The following TP53BP1 variants were observed in gnomAD, a reference collection of about 807,000 sequenced individuals.
TP53BP1 encodes TP53-binding protein 1.
In TP53BP1, 61 loss-of-function variants were observed where a neutral mutation model predicts 200.8. That is an observed-to-expected ratio of 0.30 (90% CI 0.25 to 0.38). TP53BP1 has a LOEUF of 0.38. Among genes scored for constraint, TP53BP1 ranks in the 10% least tolerant of loss-of-function variants. The pLI, the probability that TP53BP1 is intolerant of heterozygous loss-of-function variation, is 1.00. For synonymous variants in TP53BP1, 822 were observed against 844.3 expected (o/e 0.97, Z 0.46); for missense variants, 2,144 against 2,371.9 (o/e 0.90, Z 2.00).
At position 43,415,652 on chromosome 15, in the gene TP53BP1, A is replaced by C; in HGVS notation, c.5031T>G (p.Thr1677=). 6.2e-7 allele frequency: 1 copy of C among 1,614,158 alleles called. No individual in the cohort carries two copies. Among genetic ancestry groups the C allele is most frequent in the South Asian group, 1.1e-5 (1 of 91,078 alleles). The change falls in exon 23 of 28, where the codon ACT becomes ACG. Residue 1677 remains threonine (T), a synonymous_variant. Transcript: ENST00000382044. The stretch of plus-strand genomic sequence containing the variant: ...TGGCAGGGGACCGTTCCTCTTCAGA[A>C]GTGATAAGTTTTCTTTTGCCTGAGA... ...GVLSGKRKLI[T]SEEERSPAKR...
intron 11 of TP53BP1, among the ~76,000 whole-genome samples, chr15:43,468,695 T>A (rs1285205821): frequency 6.6e-6 from 1 of 152,228 alleles, no homozygotes; most frequent in African/African-American, 2.4e-5. Context: ...AAGCATTTTA[T>A]ATATATTAAC....
chr15:43,487,954 T>C (rs769026184), intron 4 of TP53BP1, among the ~76,000 whole-genome samples: 2 of 152,148 alleles, frequency 1.3e-5, no homozygotes, highest in African/African-American at 2.4e-5. Context: ...AAATGAACTA[T>C]TGATACATGC....
Position 43,469,165 on chromosome 15 carries a change from T to C in TP53BP1, c.1389+693A>G, listed in dbSNP as rs182360062. On this transcript the variant is annotated intron_variant, in intron 11 of 27. Coordinates refer to ENST00000382044, the MANE Select transcript of TP53BP1 (RefSeq NM_001141980.3). ...TCATTTAGATTTAAGGATTTTCAAC[T>C]CAGTATGAAACCTGAATTTCATTTC... is the stretch of plus-strand genomic sequence containing the variant. Among the ~76,000 whole-genome samples the C allele has an allele frequency of 6.1e-4, 93 of 152,298 alleles. 1 individual carries two copies. The East Asian group carries it at 0.016, about 26-fold the overall frequency.
At chr15:43,440,272 C>A (rs891770298) in intron 15 of TP53BP1, among the ~76,000 whole-genome samples, 2 of 152,082 alleles carry the variant, frequency 1.3e-5, no homozygotes, top group Non-Finnish European at 2.9e-5. Context: ...GTCCTCAACA[C>A]TCTGTCTTGC....
At chr15:43,437,703 A>G (rs762271544) in intron 16 of TP53BP1, among the ~76,000 whole-genome samples, 1 of 152,230 alleles carries the variant, frequency 6.6e-6, no homozygotes, top group Non-Finnish European at 1.5e-5. Context: ...TCTATAAAAT[A>G]TTTAACAAAA....
intron 18 of TP53BP1, 47 bp downstream of exon 18, chr15:43,427,969 A>AG (rs747130445): frequency 7.1e-7 from 1 of 1,417,008 alleles, no homozygotes; most frequent in South Asian, 1.4e-5. Context: ...AAAAAAAAAA[A>AG]AAAAGAAAGA....
chr15:43,438,393 A>G lies in TP53BP1; in HGVS notation c.3122T>C (p.Leu1041Ser). ...VASPQKTMSV[L>S]SCICEARQEN... The stretch of plus-strand genomic sequence containing the variant: ...TTGCCTGGCTTCACAGATACAGCTC[A>G]ACACAGACATGGTCTTCTGGGGACT... The change falls in exon 16 of 28, where the codon TTG (leucine) becomes TCG (serine). Residue 1041 changes from leucine (L) to serine (S), a missense_variant. Physicochemically the swap from Leu to Ser is moderately radical, Grantham distance 145. This residue lies in a region of TP53BP1 where 1,700 missense variants were observed against 1,710.3 expected (regional missense o/e 0.99). Coordinates refer to ENST00000382044, the MANE Select transcript of TP53BP1 (RefSeq NM_001141980.3). 1 of 1,613,060 alleles carries G rather than the reference A, an allele frequency of 6.2e-7. No individual in the cohort carries two copies. The highest frequency in any genetic ancestry group is 8.5e-7 in the Non-Finnish European group (1 of 1,179,508).
intron 12 of TP53BP1, among the ~76,000 whole-genome samples, chr15:43,447,813 T>C (rs1293161877): frequency 6.6e-6 from 1 of 152,144 alleles, no homozygotes; most frequent in Admixed American, 6.5e-5. Flanking sequence ...TCCAAGACAG[T>C]ACATCAGGGG....
At chr15:43,508,316 C>T (rs540065009) in intron 1 of TP53BP1, among the ~76,000 whole-genome samples, 1 of 152,208 alleles carries the variant, frequency 6.6e-6, no homozygotes, top group Non-Finnish European at 1.5e-5. Context: ...ACCAAGATCA[C>T]GCCACTGCAC....
At chr15:43,499,239 G>A (rs2079197462) in intron 1 of TP53BP1, among the ~76,000 whole-genome samples, 1 of 152,022 alleles carries the variant, frequency 6.6e-6, no homozygotes, top group African/African-American at 2.4e-5. Flanking sequence ...TACAAAGAAG[G>A]GAACAACAGA....
intron 8 of TP53BP1, 64 bp from the exon 9 acceptor site, chr15:43,475,758 C>T: frequency 6.3e-7 from 1 of 1,583,456 alleles, no homozygotes; most frequent in East Asian, 2.2e-5. Context: ...AAAAACCATT[C>T]AGTACTGCAA....
At position 43,447,418 on chromosome 15, in the gene TP53BP1, T is replaced by C. The variant is rs774420038; in HGVS notation, c.2784A>G (p.Pro928=). 3.8e-6 allele frequency: 6 copies of C among 1,590,898 alleles called. No individual in the cohort carries two copies. In the Admixed American group the frequency reaches 7.2e-5, roughly 19 times the overall value. The change falls in exon 13 of 28, where the codon CCA becomes CCG. Residue 928 remains proline, a synonymous_variant. Coordinates refer to ENST00000382044, the MANE Select transcript of TP53BP1 (RefSeq NM_001141980.3). ...CCAATTTTAGGTGCCCAATAAGAGG[T>C]GGGGTTGCACCAGTCAATGGTGGGA... ...DIIPPLTGAT[P]PLIGHLKLEP...
In TP53BP1 at chr15:43,440,344, C is replaced by G. The variant is rs972819934; in HGVS notation, c.3098+1182G>C. 5.3e-5 allele frequency among the ~76,000 whole-genome samples: 8 copies of G among 151,672 alleles called. No individual in the cohort carries two copies. In the East Asian group the frequency reaches 1.4e-3, roughly 26 times the overall value. Reference sequence around the variant, plus strand: ...GGCTAACACGGTGAAACCCCGTCTCCACTAAAAATACAAAAAAAAAATTAG... The same window carrying G: ...GGCTAACACGGTGAAACCCCGTCTCGACTAAAAATACAAAAAAAAAATTAG... On this transcript the variant is annotated intron_variant, in intron 15 of 27. Transcript: ENST00000382044.
In TP53BP1 at chr15:43,415,779, C is replaced by T; in HGVS notation, c.4904G>A (p.Arg1635His). ...DNLVEGKRKR[R>H]SNVSSPATPT... ...GGTGGCTGGGGAGCTGACGTTACTG[C>T]GCCGTTTCCGCTTCCCTTCCACCAA... Residue 1635 changes from arginine to histidine, a missense_variant, in exon 23 of 28, where the codon CGC becomes CAC. Physicochemically the swap from Arg to His is conservative, Grantham distance 29 (BLOSUM62 0). Around this residue, in one of 4 missense-constraint regions of TP53BP1, gnomAD observed 334 missense variants for 453.4 expected, o/e 0.74. Transcript: ENST00000382044. The T allele has an allele frequency of 3.7e-6, 6 of 1,614,048 alleles. No individual in the cohort carries two copies. The highest frequency in any genetic ancestry group is 5.1e-6 in the Non-Finnish European group (6 of 1,179,982).
At chr15:43,453,369 G>C (rs1339368436) in intron 12 of TP53BP1, among the ~76,000 whole-genome samples, 1 of 151,958 alleles carries the variant, frequency 6.6e-6, no homozygotes, top group African/African-American at 2.4e-5. Context: ...CAGCTCTTCA[G>C]AATCAAATAA....
chr15:43,413,081 CTA>C, intron 24 of TP53BP1, 36 bp downstream of exon 24: 1 of 1,600,284 alleles, frequency 6.2e-7, no homozygotes, highest in Middle Eastern at 1.7e-4. Context: ...AAAGAAGTGC[CTA>C]TGTGTCAGAG....
chr15:43,466,112 C>T (rs1041897457), intron 11 of TP53BP1, among the ~76,000 whole-genome samples: 4 of 152,144 alleles, frequency 2.6e-5, no homozygotes, highest in African/African-American at 9.7e-5. Flanking sequence ...ACAATGTCCC[C>T]CACCAAAATG....
At chr15:43,502,144 C>G (rs1174182699) in intron 1 of TP53BP1, among the ~76,000 whole-genome samples, 3 of 151,936 alleles carry the variant, frequency 2.0e-5, no homozygotes, top group African/African-American at 4.8e-5. Context: ...TACAGGGAGG[C>G]CTTATCTCTA....
intron 10 of TP53BP1, 21 bp from the exon 11 acceptor site, chr15:43,470,087 C>CA: frequency 6.3e-7 from 1 of 1,586,620 alleles, no homozygotes; most frequent in African/African-American, 1.3e-5. Context: ...ACAGGAGAAA[C>CA]AAATTGAGAA....
Sources: allele counts gnomAD v4.1 joint callset (sites outside exome capture counted in the v4.1 genomes callset), GRCh38; gene constraint gnomAD v4.1.1; regional missense constraint gnomAD v4.1.1; transcripts MANE v1.5; gene names NCBI Gene and HGNC (gene_info 2026-07-23, HGNC 2026-07-21).